NDUFA12: variants seen among roughly 807,000 people sequenced by gnomAD.
The protein encoded by NDUFA12 is NADH:ubiquinone oxidoreductase subunit A12.
Under a neutral mutation model 20.3 loss-of-function variants are expected in NDUFA12, and 17 were observed. The ratio of observed to expected loss-of-function variants is 0.84; its 90% CI spans 0.57 to 1.26. The LOEUF (loss-of-function observed/expected upper bound fraction) is 1.26. NDUFA12 is among the 50% of genes most tolerant of loss of function. The pLI is 0.00. For synonymous variants in NDUFA12, 72 were observed against 63.6 expected, an observed-to-expected ratio of 1.13 and a Z score of -0.63; for missense variants, 191 against 183.7, an observed-to-expected ratio of 1.04 and a Z score of -0.23.
chr12:94,987,516 C>T (rs1356484865), intron 3 of NDUFA12, among the ~76,000 whole-genome samples: 1 of 152,090 alleles, frequency 6.6e-6, no homozygotes, highest in East Asian at 1.9e-4. Context: ...CAACAGCAGG[C>T]ACGGCTGGGT....
chr12:94,994,853 T>C (rs372349682), intron 2 of NDUFA12, among the ~76,000 whole-genome samples: 1 of 152,228 alleles, frequency 6.6e-6, no homozygotes, highest in Admixed American at 6.5e-5. Flanking sequence ...AACCACTACT[T>C]ATTTACACAA....
chr12:94,993,556 C>CA, intron 3 of NDUFA12, among the ~76,000 whole-genome samples: 1 of 124,980 alleles, frequency 8.0e-6, no homozygotes, highest in Middle Eastern at 6.0e-3. Context: ...ACCTGGCAGT[C>CA]AGAGGTTGCA....
chr12:94,971,868 T>C (rs993693437), intron 3 of NDUFA12: 12 of 678,264 alleles, frequency 1.8e-5, no homozygotes, highest in African/African-American at 1.6e-4. Context: ...GTGTGGCAGA[T>C]ACGCAACAAA....
chr12:94,981,246 A>G (rs1874227108), intron 3 of NDUFA12, among the ~76,000 whole-genome samples: 1 of 151,136 alleles, frequency 6.6e-6, no homozygotes, highest in South Asian at 2.1e-4. Flanking sequence ...CCTGGGCAAC[A>G]TGGCAAAACA....
intron 2 of NDUFA12, among the ~76,000 whole-genome samples, chr12:94,997,929 T>C (rs1467337584): frequency 6.6e-6 from 1 of 152,204 alleles, no homozygotes; most frequent in Non-Finnish European, 1.5e-5. Context: ...CATTTGGCAA[T>C]GTCTGGAGAC....
intron 3 of NDUFA12, among the ~76,000 whole-genome samples, chr12:94,985,913 C>T (rs541286473): frequency 5.3e-5 from 8 of 151,712 alleles, no homozygotes; most frequent in Non-Finnish European, 7.4e-5. Context: ...GGTGAAACCC[C>T]GTCTCTACTA....
intron 3 of NDUFA12, among the ~76,000 whole-genome samples, chr12:94,979,393 T>A (rs1374160490): frequency 1.3e-5 from 2 of 152,358 alleles, no homozygotes; most frequent in South Asian, 4.1e-4. Context: ...AAATTTTCTA[T>A]AGCAATTGTA....
At chr12:94,999,282 T>C (rs748162734) in intron 2 of NDUFA12, among the ~76,000 whole-genome samples, 1 of 152,200 alleles carries the variant, frequency 6.6e-6, no homozygotes, top group Non-Finnish European at 1.5e-5. Flanking sequence ...GCAAGCCACA[T>C]GTAGAAGAAT....
intron 3 of NDUFA12, among the ~76,000 whole-genome samples, chr12:94,977,251 C>T (rs1874088415): frequency 6.6e-6 from 1 of 152,146 alleles, no homozygotes. Context: ...AATCCCAGTG[C>T]TTTGGGAGGC....
chr12:94,993,163 G>C (rs1439446793), intron 3 of NDUFA12, among the ~76,000 whole-genome samples: 1 of 151,998 alleles, frequency 6.6e-6, no homozygotes, highest in Non-Finnish European at 1.5e-5. Context: ...GTTCCAGCCT[G>C]GGCAACATAG....
intron 2 of NDUFA12, among the ~76,000 whole-genome samples, chr12:95,000,037 G>C: frequency 6.6e-6 from 1 of 152,198 alleles, no homozygotes; most frequent in East Asian, 1.9e-4. Context: ...CATGTTTATA[G>C]CAGCACAATT....
At chr12:94,990,517 G>A (rs1874604381) in intron 3 of NDUFA12, among the ~76,000 whole-genome samples, 1 of 152,040 alleles carries the variant, frequency 6.6e-6, no homozygotes, top group Non-Finnish European at 1.5e-5. Context: ...CAAACCCCTG[G>A]GCTGAAGGGA....
At chr12:94,980,812 CTTTG>C (rs1479351983) in intron 3 of NDUFA12, among the ~76,000 whole-genome samples, 5 of 149,958 alleles carry the variant, frequency 3.3e-5, no homozygotes, top group South Asian at 2.1e-4. Context: ...CCATGTCTTG[CTTTG>C]TTTTTTTTTT....
chr12:94,996,440 T>A (rs945522922), intron 2 of NDUFA12, among the ~76,000 whole-genome samples: 1 of 150,852 alleles, frequency 6.6e-6, no homozygotes, highest in Admixed American at 6.6e-5. Context: ...TCCCAAAGCA[T>A]TGGGATTACA....
intron 1 of NDUFA12, among the ~76,000 whole-genome samples, chr12:95,003,285 A>G (rs1042131517): frequency 6.6e-6 from 1 of 152,158 alleles, no homozygotes; most frequent in Non-Finnish European, 1.5e-5. Context: ...CAGTGCAGGG[A>G]AAAAAACTTT....
At chr12:94,987,008 T>C (rs999545224) in intron 3 of NDUFA12, among the ~76,000 whole-genome samples, 1 of 152,160 alleles carries the variant, frequency 6.6e-6, no homozygotes, top group African/African-American at 2.4e-5. Flanking sequence ...GATACTTACA[T>C]AACCTCAAAG....
chr12:94,999,678 A>G (rs113961067), intron 2 of NDUFA12, among the ~76,000 whole-genome samples: 1 of 152,126 alleles, frequency 6.6e-6, no homozygotes, highest in Non-Finnish European at 1.5e-5. Flanking sequence ...TGAACAGACA[A>G]TTCTCAAAAG....
rs923924346 is a variant in NDUFA12 at position 94,973,381 on chromosome 12, T to A, written c.258-1761A>T. On this transcript the variant is annotated intron_variant, in intron 3 of 3. Coordinates refer to ENST00000327772, the MANE Select transcript of NDUFA12 (RefSeq NM_018838.5). ...TGGACCAATAAACTGTAACCATTCA[T>A]ATGAGCACACGAGCGCTGAAGCCCT... Among the ~76,000 whole-genome samples, 4 of 152,178 alleles carry A rather than the reference T, an allele frequency of 2.6e-5. No homozygotes were observed. The East Asian group carries it at 7.7e-4, about 29-fold the overall frequency.
At position 95,003,586 on chromosome 12, in the gene NDUFA12, G is replaced by T; in HGVS notation, c.86+9C>A. 6.2e-7 allele frequency: 1 copy of T among 1,613,940 alleles called. No homozygotes were observed. Among genetic ancestry groups the T allele is most frequent in the Non-Finnish European group, 8.5e-7 (1 of 1,179,940 alleles). ...CCCAGAGGCCAAGAGCATGGCTCTG[G>T]CCGCCTACCTGAAAAAAACCCGTAG... On this transcript the variant is annotated intron_variant, in intron 1 of 3. Coordinates refer to ENST00000327772, the MANE Select transcript of NDUFA12 (RefSeq NM_018838.5).
Sources: allele counts gnomAD v4.1 joint callset (sites outside exome capture counted in the v4.1 genomes callset), GRCh38; gene constraint gnomAD v4.1.1; transcripts MANE v1.5; gene names NCBI Gene and HGNC (gene_info 2026-07-23, HGNC 2026-07-21).